PLCB4: variants seen among roughly 807,000 people sequenced by gnomAD.
PLCB4 encodes the protein phospholipase C beta 4, also known as 1-phosphatidylinositol 4,5-bisphosphate phosphodiesterase beta-4.
A neutral mutation model predicts 178.8 loss-of-function variants in PLCB4; 77 were observed. The ratio of observed to expected loss-of-function variants is 0.43; its 90% CI spans 0.36 to 0.52. The LOEUF is 0.52. Ranked by LOEUF, PLCB4 falls within the 20% of genes least tolerant of loss-of-function variation. The probability of loss-of-function intolerance (pLI) is 0.00; values close to 1 mark genes in which losing one functional copy is unlikely to be tolerated. For synonymous variants in PLCB4, 496 were observed against 490.8 expected (o/e 1.01, Z -0.14); for missense variants, 1,024 against 1,453.4 (o/e 0.70, Z 4.80).
In PLCB4 at chr20:9,348,978, C is replaced by T. The variant is rs117739460; in HGVS notation, c.369+9941C>T. Among the ~76,000 whole-genome samples the T allele has an allele frequency of 8.7e-3, 1,314 of 151,504 alleles. 11 individuals are homozygous for T. Among genetic ancestry groups the T allele is most frequent in the Middle Eastern group, 0.014 (4 of 292 alleles). On this transcript the variant is annotated intron_variant, in intron 7 of 39. Transcript: ENST00000378473. ...GTTTTTATACTGTTGACTGGTATTT[C>T]CTGAATGCTAAAGGAATGTTGCTCA...
intron 30 of PLCB4, among the ~76,000 whole-genome samples, chr20:9,442,167 G>A (rs889534227): frequency 3.9e-5 from 6 of 151,984 alleles, no homozygotes; most frequent in Non-Finnish European, 7.4e-5. Context: ...AACCACATAG[G>A]GCTATTTGAA....
At chr20:9,452,922 A>T (rs2042851458) in intron 32 of PLCB4, among the ~76,000 whole-genome samples, 1 of 152,244 alleles carries the variant, frequency 6.6e-6, no homozygotes, top group South Asian at 2.1e-4. Flanking sequence ...TACATTTAGC[A>T]TATACAAGAG....
chr20:9,335,836 G>A (rs572947881), intron 4 of PLCB4, among the ~76,000 whole-genome samples: 3 of 152,230 alleles, frequency 2.0e-5, no homozygotes, highest in Non-Finnish European at 4.4e-5. Flanking sequence ...CAGAGCACAC[G>A]CCTGATACAG....
intron 2 of PLCB4, among the ~76,000 whole-genome samples, chr20:9,190,209 G>GGGCT (rs1339882679): frequency 3.9e-5 from 6 of 152,092 alleles, no homozygotes; most frequent in Non-Finnish European, 7.4e-5. Context: ...AAGCTGACTG[G>GGGCT]GGCTGGCTGG....
intron 2 of PLCB4, among the ~76,000 whole-genome samples, chr20:9,216,985 T>C (rs2093740653): frequency 6.6e-6 from 1 of 152,246 alleles, no homozygotes; most frequent in Non-Finnish European, 1.5e-5. Context: ...TGCAAATAGA[T>C]GTAATTCTGT....
At chr20:9,144,763 G>T (rs1326756937) in intron 2 of PLCB4, among the ~76,000 whole-genome samples, 5 of 83,874 alleles carry the variant, frequency 6.0e-5, no homozygotes, top group Admixed American at 1.2e-4. Flanking sequence ...AGGAGGGGAA[G>T]GAGGGGAATG....
chr20:9,227,865 T>G lies in PLCB4; in HGVS notation c.-16+10413T>G, dbSNP rs556840674. The stretch of plus-strand genomic sequence containing the variant: ...AAAAATGTAATACTTTTATTATTGT[T>G]TTGTCCTGCAGTGATTTTTCAACTA... On this transcript the variant is annotated intron_variant, in intron 3 of 39. Coordinates refer to ENST00000378473, the MANE Select transcript of PLCB4 (RefSeq NM_001377142.1). 1.1e-3 allele frequency among the ~76,000 whole-genome samples: 163 copies of G among 152,308 alleles called. 2 individuals are homozygous for G. Among genetic ancestry groups the G allele is most frequent in the African/African-American group, 3.5e-3 (145 of 41,558 alleles).
chr20:9,360,111 C>T (rs1369361733), intron 7 of PLCB4, among the ~76,000 whole-genome samples: 2 of 152,158 alleles, frequency 1.3e-5, no homozygotes, highest in Non-Finnish European at 2.9e-5. Flanking sequence ...GCTCTTGTTG[C>T]CTGTCTGCCC....
At chr20:9,260,659 T>C (rs928509439) in intron 3 of PLCB4, among the ~76,000 whole-genome samples, 1 of 152,146 alleles carries the variant, frequency 6.6e-6, no homozygotes, top group Non-Finnish European at 1.5e-5. Context: ...TATGCATATA[T>C]AATAACTAGG....
At chr20:9,166,464 C>T (rs1268810917) in intron 2 of PLCB4, 1 of 152,192 alleles carries the variant, frequency 6.6e-6, no homozygotes, top group Non-Finnish European at 1.5e-5. Flanking sequence ...CACTGTTTGC[C>T]CAGCCTCTCA....
chr20:9,439,603 C>T (rs915323012), intron 30 of PLCB4, among the ~76,000 whole-genome samples: 1 of 152,140 alleles, frequency 6.6e-6, no homozygotes, highest in Non-Finnish European at 1.5e-5. Context: ...GGAGTTGCCC[C>T]TGGCTGGAAT....
chr20:9,115,565 C>T (rs1335638707), intron 2 of PLCB4, among the ~76,000 whole-genome samples: 1 of 143,498 alleles, frequency 7.0e-6, no homozygotes, highest in East Asian at 2.1e-4. Context: ...TCTCCTAATG[C>T]TATCCCTCCC....
intron 13 of PLCB4, 118 bp from the exon 14 acceptor site, chr20:9,384,083 A>G (rs1602261086): frequency 2.8e-6 from 2 of 719,946 alleles, no homozygotes; most frequent in East Asian, 2.6e-5. Flanking sequence ...TTCTTGGGAA[A>G]GAGACTGTGA....
intron 7 of PLCB4, among the ~76,000 whole-genome samples, chr20:9,351,722 G>T (rs1353232002): frequency 6.6e-6 from 1 of 152,106 alleles, no homozygotes; most frequent in Non-Finnish European, 1.5e-5. Context: ...GATTTGATTT[G>T]CTTGAACTAA....
chr20:9,342,416 G>C (rs1250967222), intron 7 of PLCB4, among the ~76,000 whole-genome samples: 1 of 152,098 alleles, frequency 6.6e-6, no homozygotes, highest in African/African-American at 2.4e-5. Flanking sequence ...GAATCAGGGG[G>C]CCATGAAATA....
At chr20:9,076,502 G>C (rs2089875293) in intron 1 of PLCB4, among the ~76,000 whole-genome samples, 1 of 152,056 alleles carries the variant, frequency 6.6e-6, no homozygotes, top group African/African-American at 2.4e-5. Context: ...TAACACCCAA[G>C]TGTACAGAAA....
intron 3 of PLCB4, 117 bp downstream of exon 3, chr20:9,217,569 T>G (rs2093746928): frequency 6.6e-6 from 1 of 152,202 alleles, no homozygotes; most frequent in Non-Finnish European, 1.5e-5. Flanking sequence ...CTCTCAAAAC[T>G]GATTCACAGA....
At chr20:9,410,053 T>C (rs2039747507) in intron 24 of PLCB4, among the ~76,000 whole-genome samples, 1 of 152,230 alleles carries the variant, frequency 6.6e-6, no homozygotes, top group Non-Finnish European at 1.5e-5. Context: ...TTTTAAAATC[T>C]ATTTTGTATT....
chr20:9,147,964 C>T (rs61584796), intron 2 of PLCB4, among the ~76,000 whole-genome samples: 10,872 of 152,218 alleles, frequency 0.071, 528 homozygotes, highest in East Asian at 0.13. Context: ...GACTTTTCTC[C>T]ATGCCATGGC....
Sources: gnomAD v4.1 joint callset for allele counts (sites outside exome capture counted in the v4.1 genomes callset) on GRCh38, gnomAD v4.1.1 for gene constraint, MANE v1.5 for transcripts, NCBI Gene and HGNC (gene_info 2026-07-23, HGNC 2026-07-21) for gene names.